The following TNPO1 variants were observed in gnomAD, a reference collection of about 807,000 sequenced individuals.
The protein encoded by TNPO1 is transportin-1.
Under a neutral mutation model 119.5 loss-of-function variants are expected in TNPO1, and 8 were observed. The ratio of observed to expected loss-of-function variants is 0.07; its 90% CI spans 0.04 to 0.12. The LOEUF (loss-of-function observed/expected upper bound fraction) is 0.12, where lower values mean the gene tolerates loss of function less well. TNPO1 is among the 10% of genes least tolerant of loss of function. TNPO1 has a pLI of 1.00. For missense variants in TNPO1, 576 were observed against 1,089.8 expected, an observed-to-expected ratio of 0.53 and a Z score of 6.64; for synonymous variants, 362 against 363.0, an observed-to-expected ratio of 1.00 and a Z score of 0.03.
rs918982973 is a variant in TNPO1 at position 72,889,735 on chromosome 5, T to A, written c.1530-51T>A. 1.6e-5 allele frequency: 25 copies of A among 1,519,752 alleles called. No homozygotes were observed. The Admixed American group carries it at 4.5e-4, about 28-fold the overall frequency. The allele number at this position is 1,519,752 out of a possible 1,614,324, so 94.1% of individuals were successfully genotyped here. On this transcript the variant is annotated intron_variant, in intron 13 of 24. Coordinates refer to ENST00000337273, the MANE Select transcript of TNPO1 (RefSeq NM_002270.4). ...ACATAAACATTTTAGCAATTAAGAGTTAGATATATCTTACAGTCAATAAGT... is the reference window on the plus strand; with the variant it reads ...ACATAAACATTTTAGCAATTAAGAGATAGATATATCTTACAGTCAATAAGT...
rs144261490 is a variant in TNPO1 at position 72,840,272 on chromosome 5, CA to C, written c.16-8112del. Among the ~76,000 whole-genome samples the C allele has an allele frequency of 3.2e-3, 483 of 152,216 alleles. 3 individuals are homozygous for C. Among genetic ancestry groups the C allele is most frequent in the African/African-American group, 0.011 (468 of 41,530 alleles). ...TCTGGGCTTGAGTCCTCGCTTTGTT[CA>C]TTACTGTGTGATCTTGGACACATTG... On this transcript the variant is annotated intron_variant, in intron 1 of 24. Transcript: ENST00000337273.
chr5:72,884,694 C>T (rs1281154302), intron 11 of TNPO1, among the ~76,000 whole-genome samples: 1 of 152,118 alleles, frequency 6.6e-6, no homozygotes, highest in East Asian at 1.9e-4. Context: ...TAAACCTCTA[C>T]TGCTCTAGTT....
At chr5:72,860,863 G>T (rs1299575448) in intron 4 of TNPO1, among the ~76,000 whole-genome samples, 2 of 151,856 alleles carry the variant, frequency 1.3e-5, no homozygotes, top group African/African-American at 4.8e-5. Flanking sequence ...GTTAAGTGCT[G>T]CTAACGTTTT....
chr5:72,885,565 T>C (rs1748558215), intron 11 of TNPO1, among the ~76,000 whole-genome samples: 1 of 152,206 alleles, frequency 6.6e-6, no homozygotes, highest in Non-Finnish European at 1.5e-5. Context: ...TGCTGCTTTC[T>C]TTCTGTGTAT....
chr5:72,855,348 A>G (rs964590992), intron 3 of TNPO1, among the ~76,000 whole-genome samples: 3 of 152,208 alleles, frequency 2.0e-5, no homozygotes, highest in Admixed American at 6.5e-5. Flanking sequence ...AATGATGTGT[A>G]TATCAGGAAA....
chr5:72,856,915 C>T (rs1407106077), intron 4 of TNPO1, among the ~76,000 whole-genome samples: 1 of 152,188 alleles, frequency 6.6e-6, no homozygotes, highest in Non-Finnish European at 1.5e-5. Context: ...AATGGGCAGC[C>T]TTTAGTATAC....
intron 9 of TNPO1, among the ~76,000 whole-genome samples, chr5:72,880,045 G>T (rs749518311): frequency 1.3e-5 from 2 of 152,084 alleles, no homozygotes; most frequent in Non-Finnish European, 2.9e-5. Flanking sequence ...AAATTAGCTG[G>T]GCGTGGCAGC....
chr5:72,831,976 T>C (rs1478199192), intron 1 of TNPO1, among the ~76,000 whole-genome samples: 1 of 152,080 alleles, frequency 6.6e-6, no homozygotes, highest in Non-Finnish European at 1.5e-5. Flanking sequence ...TGTTGCATAA[T>C]AGCCCCATCA....
intron 1 of TNPO1, among the ~76,000 whole-genome samples, chr5:72,847,916 A>G (rs1000321923): frequency 1.3e-5 from 2 of 152,272 alleles, no homozygotes; most frequent in African/African-American, 4.8e-5. Context: ...TTAATTCACC[A>G]TGTGTATGTA....
intron 6 of TNPO1, among the ~76,000 whole-genome samples, chr5:72,868,496 T>C (rs967234619): frequency 8.7e-5 from 13 of 149,824 alleles, no homozygotes; most frequent in Admixed American, 6.0e-4. Context: ...GGGTGTGTTA[T>C]GGGGTAGATA....
At chr5:72,891,317 T>A (rs1325696125) in intron 14 of TNPO1, among the ~76,000 whole-genome samples, 3 of 152,010 alleles carry the variant, frequency 2.0e-5, no homozygotes, top group Admixed American at 6.5e-5. Context: ...TACAAAAAAT[T>A]AGCCGGGTGT....
At chr5:72,848,607 C>A in intron 2 of TNPO1, 109 bp downstream of exon 2, 1 of 481,844 alleles carries the variant, frequency 2.1e-6, no homozygotes, top group Middle Eastern at 6.6e-4. Context: ...CTCCCCCATC[C>A]TCCGAGACCG....
chr5:72,841,085 C>A (rs1279284944), intron 1 of TNPO1, among the ~76,000 whole-genome samples: 1 of 149,904 alleles, frequency 6.7e-6, no homozygotes, highest in Non-Finnish European at 1.5e-5. Context: ...TCTCTTCCTT[C>A]TTGATCCATA....
At chr5:72,864,133 T>G (rs1187385954) in intron 5 of TNPO1, among the ~76,000 whole-genome samples, 1 of 151,340 alleles carries the variant, frequency 6.6e-6, no homozygotes, top group Non-Finnish European at 1.5e-5. Flanking sequence ...GAAGTAAAGC[T>G]TTTTTAAAAA....
chr5:72,875,227 T>A (rs1332000073), intron 7 of TNPO1, among the ~76,000 whole-genome samples: 1 of 152,220 alleles, frequency 6.6e-6, no homozygotes, highest in Non-Finnish European at 1.5e-5. Flanking sequence ...GATTATTGAA[T>A]CTGTATCACC....
intron 1 of TNPO1, among the ~76,000 whole-genome samples, chr5:72,835,337 T>G (rs1405742201): frequency 6.6e-6 from 1 of 152,200 alleles, no homozygotes; most frequent in African/African-American, 2.4e-5. Context: ...TCTGTTGCTG[T>G]TGCAAAATAC....
intron 1 of TNPO1, among the ~76,000 whole-genome samples, chr5:72,827,212 A>G (rs187523584): frequency 6.6e-6 from 1 of 152,286 alleles, no homozygotes; most frequent in Non-Finnish European, 1.5e-5. Context: ...AGTGTGATGA[A>G]CATAGTGAAA....
chr5:72,852,655 T>C (rs1005498861), intron 3 of TNPO1, among the ~76,000 whole-genome samples: 1 of 152,232 alleles, frequency 6.6e-6, no homozygotes, highest in Non-Finnish European at 1.5e-5. Flanking sequence ...AGCTCCAAAT[T>C]CTGACAGGTT....
rs1169569848 is a variant in TNPO1 at position 72,910,153 on chromosome 5, AT to A, written c.*1484del. On this transcript the variant is annotated 3_prime_UTR_variant, in exon 25 of 25. Transcript: ENST00000337273. ...ATGTAATGCAGGGTTCCTACACTGT[AT>A]TTTGGCGCATGTTGGTGGCCCTCTG... 1 of 152,538 alleles carries A rather than the reference AT, an allele frequency of 6.6e-6. No homozygotes were observed. Among genetic ancestry groups the A allele is most frequent in the African/African-American group, 2.4e-5 (1 of 41,422 alleles). The allele number at this position is 152,538 out of a possible 1,614,324, so 9.4% of individuals were successfully genotyped here. A position where few individuals can be genotyped will look rare whatever the true frequency, so the allele number is the denominator to read the frequency against.
Sources: gnomAD v4.1 joint callset for allele counts (sites outside exome capture counted in the v4.1 genomes callset) on GRCh38, gnomAD v4.1.1 for gene constraint, MANE v1.5 for transcripts, NCBI Gene and HGNC (gene_info 2026-07-23, HGNC 2026-07-21) for gene names.